CASP14: variants seen among roughly 807,000 people sequenced by gnomAD.
The protein encoded by CASP14 is caspase 14.
Under a neutral mutation model 28.4 loss-of-function variants are expected in CASP14, and 27 were observed. That is an observed-to-expected ratio of 0.95 (90% CI 0.70 to 1.31). The LOEUF (loss-of-function observed/expected upper bound fraction) is 1.31. Ranked by LOEUF, CASP14 falls within the 50% of genes most tolerant of loss-of-function variation. CASP14 has a pLI of 0.00. For missense variants in CASP14, 323 were observed against 312.8 expected, an observed-to-expected ratio of 1.03 and a Z score of -0.25; for synonymous variants, 115 against 118.6, an observed-to-expected ratio of 0.97 and a Z score of 0.20.
In CASP14 at chr19:15,055,496, C is replaced by T. The variant is rs754535800; in HGVS notation, c.587C>T (p.Thr196Met). Residue 196 changes from threonine (T) to methionine (M), a missense_variant, in exon 6 of 7, where the codon ACG (threonine) becomes ATG (methionine). Physicochemically the swap from Thr to Met is moderately conservative, Grantham distance 81. Transcript: ENST00000427043. ...CFIQTLVDVF[T>M]KRKGHILELL... ...ATCCAGACCCTGGTGGATGTGTTCA[C>T]GAAGAGGAAAGGACATATCTTGGAA... is the stretch of plus-strand genomic sequence containing the variant. 16 of 1,613,884 alleles carry T rather than the reference C, an allele frequency of 9.9e-6. No individual in the cohort carries two copies. The highest frequency in any genetic ancestry group is 2.2e-5 in the East Asian group (1 of 44,888).
intron 1 of CASP14, among the ~76,000 whole-genome samples, chr19:15,050,607 T>A (rs991050807): frequency 2.6e-5 from 4 of 151,090 alleles, no homozygotes; most frequent in Admixed American, 2.0e-4. Flanking sequence ...GAGGGCTAGA[T>A]GGAGGGATAG....
intron 4 of CASP14, 182 bp from the exon 5 acceptor site, chr19:15,054,976 G>A: frequency 1.7e-6 from 1 of 582,804 alleles, no homozygotes; most frequent in East Asian, 2.8e-5. Context: ...ATCTCGCTCT[G>A]TCTCCCAGGC....
Position 15,053,625 on chromosome 19 carries a change from T to G in CASP14, c.171T>G (p.Thr57=). 1 of 1,614,086 alleles carries G rather than the reference T, an allele frequency of 6.2e-7. No individual in the cohort carries two copies. The highest frequency in any genetic ancestry group is 2.2e-5 in the East Asian group (1 of 44,876). The change falls in exon 3 of 7, where the codon ACT becomes ACG. Residue 57 remains threonine, a synonymous_variant. Coordinates refer to ENST00000427043, the MANE Select transcript of CASP14 (RefSeq NM_012114.3). The stretch of plus-strand genomic sequence containing the variant: ...AAAGCACCATGAAAAGAGACCCCAC[T>G]GCCGAGGTATTGGGGTGCCTACTCC... ...RFESTMKRDP[T]AEQFQEELEK...
intron 2 of CASP14, among the ~76,000 whole-genome samples, chr19:15,052,687 C>G (rs530412078): frequency 6.6e-6 from 1 of 152,322 alleles, no homozygotes; most frequent in Non-Finnish European, 1.5e-5. Flanking sequence ...TTCAGAAACT[C>G]TGAGACCTCT....
chr19:15,055,707 C>G (rs562713506), intron 6 of CASP14, among the ~76,000 whole-genome samples, 174 bp downstream of exon 6: 19 of 152,290 alleles, frequency 1.2e-4, no homozygotes, highest in African/African-American at 4.1e-4. Context: ...TGCAGGGACT[C>G]TTAAAAGCCA....
intron 1 of CASP14, among the ~76,000 whole-genome samples, chr19:15,051,636 G>A (rs1214441655): frequency 6.6e-6 from 1 of 152,104 alleles, no homozygotes; most frequent in Non-Finnish European, 1.5e-5. Context: ...AGGACTCAGA[G>A]ATGAGAATGG....
rs552436705 is a variant in CASP14, at chr19:15,054,573, C to T, written c.404-585C>T. On this transcript the variant is annotated intron_variant, in intron 4 of 6. Coordinates refer to ENST00000427043, the MANE Select transcript of CASP14 (RefSeq NM_012114.3). The stretch of plus-strand genomic sequence containing the variant: ...ACTCCAGCCTGGGCAACAAAGCAAG[C>T]CCCTGTCTCTAAAAAGTTAAATTAA... 4.6e-5 allele frequency among the ~76,000 whole-genome samples: 7 copies of T among 152,068 alleles called. No homozygotes were observed. In the East Asian group the frequency reaches 1.2e-3, roughly 25 times the overall value.
At chr19:15,051,871 G>A (rs2046092436) in intron 1 of CASP14, among the ~76,000 whole-genome samples, 1 of 152,112 alleles carries the variant, frequency 6.6e-6, no homozygotes, top group Admixed American at 6.6e-5. Flanking sequence ...CCTCATTCCA[G>A]GGCTTTCAGG....
chr19:15,051,406 G>A (rs531572863), intron 1 of CASP14, among the ~76,000 whole-genome samples: 2 of 148,404 alleles, frequency 1.3e-5, no homozygotes, highest in East Asian at 2.0e-4. Context: ...GGCTGAGGCA[G>A]GATCATCACT....
intron 4 of CASP14, among the ~76,000 whole-genome samples, chr19:15,054,434 G>A (rs1428101950): frequency 6.6e-6 from 1 of 152,142 alleles, no homozygotes; most frequent in Non-Finnish European, 1.5e-5. Context: ...TTAAAGATTA[G>A]CCAAGGGCAT....
At chr19:15,050,099 C>T (rs2046082752) in intron 1 of CASP14, among the ~76,000 whole-genome samples, 1 of 152,074 alleles carries the variant, frequency 6.6e-6, no homozygotes, top group South Asian at 2.1e-4. Flanking sequence ...ACCTGGGTCA[C>T]CATTGCTGTT....
chr19:15,049,695 T>TCACACA (rs1310042033), intron 1 of CASP14, 50 bp downstream of exon 1: 4 of 114,992 alleles, frequency 3.5e-5, no homozygotes, highest in African/African-American at 7.1e-5. Flanking sequence ...TCTCTCTCTC[T>TCACACA]CTCACACACA....
At position 15,049,691 on chromosome 19, in the gene CASP14, TCTCTCTCACA is replaced by T. The variant is rs1437155392; in HGVS notation, c.-47+48_-47+57del. ...TAGCCTCTCTCTCTCTCTCTCTCTCTCTCTCTCACACACACACACACACACACACACACAC... is the reference window on the plus strand; with the variant it reads ...TAGCCTCTCTCTCTCTCTCTCTCTCTCACACACACACACACACACACACAC... On this transcript the variant is annotated intron_variant, in intron 1 of 6. Coordinates refer to ENST00000427043, the MANE Select transcript of CASP14 (RefSeq NM_012114.3). 1.6e-3 allele frequency: 173 copies of T among 110,700 alleles called. 1 individual carries two copies. The highest frequency in any genetic ancestry group is 6.9e-3 in the South Asian group (22 of 3,172). 6.9% of individuals were successfully genotyped at this position (110,700 alleles called of 1,614,324 possible). A position where few individuals can be genotyped will look rare whatever the true frequency, so the allele number is the denominator to read the frequency against.
In CASP14 at chr19:15,057,723, T is replaced by TA. The variant is rs990092451; in HGVS notation, c.*1645dup. 34 of 147,824 alleles carry TA rather than the reference T, an allele frequency of 2.3e-4. No homozygotes were observed. The highest frequency in any genetic ancestry group is 3.5e-3 in the Middle Eastern group (1 of 288). 9.2% of individuals were successfully genotyped at this position (147,824 alleles called of 1,614,324 possible). On this transcript the variant is annotated 3_prime_UTR_variant, in exon 7 of 7. Transcript: ENST00000427043. Reference sequence around the variant, plus strand: ...GGGCAACACAGCAAGACCCTGTCTCTAAAAAAAAAAATTAATTAACTGGGT... The same window carrying TA: ...GGGCAACACAGCAAGACCCTGTCTCTAAAAAAAAAAAATTAATTAACTGGGT...
rs532198010 is a variant in CASP14, at chr19:15,056,880, A to G, written c.*791A>G. ...CAGACAACATAATATTTAACCTCTC[A>G]TAACCAGAGAGGTTAAATAATTTGT... On this transcript the variant is annotated 3_prime_UTR_variant, in exon 7 of 7. Transcript: ENST00000427043. 6.7e-6 allele frequency: 1 copy of G among 149,654 alleles called. No homozygotes were observed. The highest frequency in any genetic ancestry group is 1.9e-4 in the East Asian group (1 of 5,186). 9.3% of individuals were successfully genotyped at this position (149,654 alleles called of 1,614,324 possible). A position where few individuals can be genotyped will look rare whatever the true frequency, so the allele number is the denominator to read the frequency against.
intron 1 of CASP14, among the ~76,000 whole-genome samples, chr19:15,051,890 A>T (rs2046092520): frequency 6.6e-6 from 1 of 152,050 alleles, no homozygotes; most frequent in Non-Finnish European, 1.5e-5. Context: ...GGGGAAGTTC[A>T]GTCCACCAGA....
In CASP14 at chr19:15,057,579, C is replaced by T. The variant is rs1463969275; in HGVS notation, c.*1490C>T. On this transcript the variant is annotated 3_prime_UTR_variant, in exon 7 of 7. Transcript: ENST00000427043. ...GATCTCCCTGGAACACTCAAGAAGA[C>T]ACAACATACCATATTATTTAAAGAC... The T allele has an allele frequency of 6.6e-6, 1 of 152,148 alleles. No individual in the cohort carries two copies. Among genetic ancestry groups the T allele is most frequent in the Non-Finnish European group, 1.5e-5 (1 of 68,064 alleles). 9.4% of individuals were successfully genotyped at this position (152,148 alleles called of 1,614,324 possible).
chr19:15,049,952 GA>G, intron 1 of CASP14, among the ~76,000 whole-genome samples: 1 of 152,198 alleles, frequency 6.6e-6, no homozygotes, highest in Non-Finnish European at 1.5e-5. Context: ...TTTCAGTCCT[GA>G]AAACTGAGCT....
At chr19:15,049,832 T>C (rs2046081531) in intron 1 of CASP14, among the ~76,000 whole-genome samples, 187 bp downstream of exon 1, 1 of 151,994 alleles carries the variant, frequency 6.6e-6, no homozygotes, top group Non-Finnish European at 1.5e-5. Flanking sequence ...TTTCTTTTCA[T>C]CTGTTCATTT....
Sources: gnomAD v4.1 joint callset for allele counts (sites outside exome capture counted in the v4.1 genomes callset) on GRCh38, gnomAD v4.1.1 for gene constraint, MANE v1.5 for transcripts, NCBI Gene and HGNC (gene_info 2026-07-23, HGNC 2026-07-21) for gene names.